NME7: variants seen among roughly 807,000 people sequenced by gnomAD.
The protein encoded by NME7 is NME/NM23 family member 7, also known as nucleoside diphosphate kinase 7.
In NME7, 41 loss-of-function variants were observed where a neutral mutation model predicts 49.1. The observed-to-expected ratio is 0.83, with a 90% CI of 0.65 to 1.08. NME7 has a LOEUF of 1.08. Among genes scored for constraint, NME7 ranks in the 50% least tolerant of loss-of-function variants. The probability of loss-of-function intolerance (pLI) is 0.00; values close to 1 mark genes in which losing one functional copy is unlikely to be tolerated. For missense variants in NME7, 423 were observed against 463.4 expected, an observed-to-expected ratio of 0.91 and a Z score of 0.80; for synonymous variants, 139 against 150.6, an observed-to-expected ratio of 0.92 and a Z score of 0.56.
chr1:169,322,675 T>C (rs1651897860), intron 3 of NME7, among the ~76,000 whole-genome samples: 1 of 142,590 alleles, frequency 7.0e-6, no homozygotes, highest in African/African-American at 2.7e-5. Context: ...CTATTAGATA[T>C]AAATATATAT....
chr1:169,214,690 G>A (rs998868300), intron 10 of NME7, among the ~76,000 whole-genome samples: 5 of 152,288 alleles, frequency 3.3e-5, no homozygotes, highest in Middle Eastern at 3.4e-3. Flanking sequence ...CCATGACAGC[G>A]GTGCCCCATT....
chr1:169,152,101 A>T (rs1193533407), intron 11 of NME7, among the ~76,000 whole-genome samples: 1 of 152,208 alleles, frequency 6.6e-6, no homozygotes, highest in Non-Finnish European at 1.5e-5. Context: ...TCATTTATAA[A>T]AGAGCCTAAC....
chr1:169,318,342 G>A (rs1223224767), intron 3 of NME7, among the ~76,000 whole-genome samples: 1 of 152,186 alleles, frequency 6.6e-6, no homozygotes, highest in Non-Finnish European at 1.5e-5. Flanking sequence ...GAAGAATGGA[G>A]ACTAACTGAG....
chr1:169,337,132 G>A (rs923343131), intron 1 of NME7, among the ~76,000 whole-genome samples: 10 of 152,208 alleles, frequency 6.6e-5, no homozygotes, highest in Non-Finnish European at 1.3e-4. Context: ...AGGGGGCGGC[G>A]CTTGTAGGGG....
At chr1:169,239,434 G>A (rs1354146126) in intron 7 of NME7, among the ~76,000 whole-genome samples, 2 of 151,900 alleles carry the variant, frequency 1.3e-5, no homozygotes, top group African/African-American at 4.8e-5. Context: ...TTGAATCCAA[G>A]TGAATGGAAG....
At chr1:169,222,360 A>G (rs1280607177) in intron 10 of NME7, among the ~76,000 whole-genome samples, 1 of 152,192 alleles carries the variant, frequency 6.6e-6, no homozygotes, top group Non-Finnish European at 1.5e-5. Context: ...GCACTCAAAC[A>G]TTTATGAATG....
rs1258470441 is a variant in NME7 at position 169,269,751 on chromosome 1, T to C, written c.754+17552A>G. ...ATTCTTATACCAGAGCCAATTCTGA[T>C]GCTAAATTTACAAATTGGTCAATAT... is the stretch of plus-strand genomic sequence containing the variant. On this transcript the variant is annotated intron_variant, in intron 7 of 11. Transcript: ENST00000367811. Among the ~76,000 whole-genome samples the C allele has an allele frequency of 9.0e-5, 12 of 133,988 alleles. 2 individuals are homozygous for C. Among genetic ancestry groups the C allele is most frequent in the Admixed American group, 8.1e-4 (11 of 13,598 alleles). The allele number at this position is 133,988 out of a possible 152,430, so 87.9% of individuals were successfully genotyped here.
chr1:169,216,299 G>A (rs904136778), intron 10 of NME7, among the ~76,000 whole-genome samples: 5 of 152,136 alleles, frequency 3.3e-5, no homozygotes, highest in Non-Finnish European at 7.4e-5. Context: ...TAACTTTTCG[G>A]GAGGGAAGAG....
chr1:169,313,763 A>G (rs972740300), intron 3 of NME7, among the ~76,000 whole-genome samples: 3 of 152,170 alleles, frequency 2.0e-5, no homozygotes, highest in Non-Finnish European at 4.4e-5. Flanking sequence ...TACTTCAGAT[A>G]CTAGGATAAT....
rs754431705 is a variant in NME7 at position 169,323,260 on chromosome 1, G to A, written c.135C>T (p.Thr45=). The change falls in exon 3 of 12, where the codon ACC becomes ACT. Residue 45 remains threonine, a synonymous_variant. Transcript: ENST00000367811. ...TATCATATTTGGTCCGCTTTAAAAA[G>A]GTGCGATGATTCTTTACATCATGCT... The part of the protein sequence containing the change: ...VEMHDVKNHR[T]FLKRTKYDNL... The A allele has an allele frequency of 1.9e-6, 3 of 1,595,294 alleles. No individual in the cohort carries two copies. In the Admixed American group the frequency reaches 5.3e-5, roughly 28 times the overall value.
At chr1:169,347,186 T>C (rs1279133012) in intron 1 of NME7, among the ~76,000 whole-genome samples, 11 of 152,072 alleles carry the variant, frequency 7.2e-5, no homozygotes, top group Non-Finnish European at 1.5e-5. Context: ...ACCGACACAG[T>C]GAGACGCCAT....
In NME7 at chr1:169,273,731, G is replaced by A. The variant is rs553849382; in HGVS notation, c.754+13572C>T. 1.6e-3 allele frequency among the ~76,000 whole-genome samples: 200 copies of A among 124,162 alleles called. 4 individuals carry two copies. Among genetic ancestry groups the A allele is most frequent in the African/African-American group, 4.5e-3 (165 of 36,848 alleles). 81.5% of individuals were successfully genotyped at this position (124,162 alleles called of 152,430 possible). ...GCGGTGTTTGGTTTTTTGTCCTTGC[G>A]ATAGTTTACTGAGAATGATGATTTC... is the stretch of plus-strand genomic sequence containing the variant. On this transcript the variant is annotated intron_variant, in intron 7 of 11. Transcript: ENST00000367811.
rs1660481206 is a variant in NME7 at position 169,199,450 on chromosome 1, T to TTA, written c.991-29897_991-29896insTA. 4.6e-3 allele frequency among the ~76,000 whole-genome samples: 508 copies of TTA among 111,534 alleles called. 1 individual carries two copies. Among genetic ancestry groups the TTA allele is most frequent in the African/African-American group, 8.9e-3 (265 of 29,910 alleles). The allele number at this position is 111,534 out of a possible 152,430, so 73.2% of individuals were successfully genotyped here. A position where few individuals can be genotyped will look rare whatever the true frequency, so the allele number is the denominator to read the frequency against. The stretch of plus-strand genomic sequence containing the variant: ...ATAGATAACAGAACCCAGGGTCTTT[T>TTA]TTATTATTATTATTATTATTATTAT... On this transcript the variant is annotated intron_variant, in intron 10 of 11. Transcript: ENST00000367811.
chr1:169,234,895 T>C (rs1384175693), intron 9 of NME7, among the ~76,000 whole-genome samples: 1 of 152,094 alleles, frequency 6.6e-6, no homozygotes, highest in African/African-American at 2.4e-5. Flanking sequence ...CAGAGAAAAC[T>C]TCATTATTAT....
In NME7 at chr1:169,132,789, T is replaced by C; in HGVS notation, c.1127A>G (p.Asn376Ser). Residue 376 changes from asparagine to serine, a missense_variant, in exon 12 of 12, where the codon AAT (asparagine) becomes AGT (serine). Coordinates refer to ENST00000367811, the MANE Select transcript of NME7 (RefSeq NM_013330.5). ...EVQYFFKILD[N>S] ...ACTTCTTTACTTTCCACACCACTAATTATCCAAGATCTTGAAGAAGTATTG... is the reference window on the plus strand; with the variant it reads ...ACTTCTTTACTTTCCACACCACTAACTATCCAAGATCTTGAAGAAGTATTG... The C allele has an allele frequency of 6.2e-7, 1 of 1,613,260 alleles. No homozygotes were observed. Among genetic ancestry groups the C allele is most frequent in the South Asian group, 1.1e-5 (1 of 90,900 alleles).
At chr1:169,159,760 G>A (rs1221081370) in intron 11 of NME7, among the ~76,000 whole-genome samples, 3 of 152,248 alleles carry the variant, frequency 2.0e-5, no homozygotes, top group African/African-American at 7.2e-5. Context: ...TTGTCCCAGT[G>A]CTACTTTAAG....
intron 7 of NME7, among the ~76,000 whole-genome samples, chr1:169,281,748 C>T (rs1050390512): frequency 6.6e-6 from 1 of 152,106 alleles, no homozygotes; most frequent in Non-Finnish European, 1.5e-5. Context: ...TGATGAATTA[C>T]GTTTATCGAT....
intron 11 of NME7, chr1:169,169,004 T>C (rs1659498401): frequency 2.3e-6 from 1 of 431,056 alleles, no homozygotes. Flanking sequence ...GGTGATGGTA[T>C]AGTCACCTGA....
intron 10 of NME7, among the ~76,000 whole-genome samples, chr1:169,212,922 C>G (rs976903921): frequency 1.4e-4 from 21 of 152,108 alleles, no homozygotes; most frequent in African/African-American, 4.8e-4. Flanking sequence ...AGCCACTATA[C>G]CTGGCTATAG....
Sources: gnomAD v4.1 joint callset for allele counts (sites outside exome capture counted in the v4.1 genomes callset) on GRCh38, gnomAD v4.1.1 for gene constraint, MANE v1.5 for transcripts, NCBI Gene and HGNC (gene_info 2026-07-23, HGNC 2026-07-21) for gene names.